The following COPB2 variants were observed in gnomAD, a reference collection of about 807,000 sequenced individuals.
COPB2 encodes coatomer subunit beta'.
COPB2 carries 16 observed loss-of-function variants against 120.8 expected under a neutral mutation model. The observed-to-expected ratio is 0.13, with a 90% CI of 0.09 to 0.20. The LOEUF is 0.20. Ranked by LOEUF, COPB2 falls within the 10% of genes least tolerant of loss-of-function variation. The probability of loss-of-function intolerance (pLI) is 1.00; values close to 1 mark genes in which losing one functional copy is unlikely to be tolerated. For missense variants in COPB2, 794 were observed against 1,076.5 expected (o/e 0.74, Z 3.67); for synonymous variants, 332 against 366.3 (o/e 0.91, Z 1.07).
At chr3:139,382,887 G>A (rs1008656128) in intron 2 of COPB2, 1 of 188,284 alleles carries the variant, frequency 5.3e-6, no homozygotes, top group African/African-American at 2.4e-5. Flanking sequence ...TAATCTATAT[G>A]GCTGAGTGAA....
intron 4 of COPB2, 121 bp downstream of exon 4, chr3:139,378,926 G>T: frequency 9.2e-7 from 1 of 1,084,196 alleles, no homozygotes. Context: ...GATCTAAATA[G>T]TTTAAAGGCC....
At chr3:139,360,224 G>A (rs1320624008) in intron 17 of COPB2, among the ~76,000 whole-genome samples, 1 of 151,286 alleles carries the variant, frequency 6.6e-6, no homozygotes, top group African/African-American at 2.4e-5. Context: ...TGTAGGAGAA[G>A]GTTAAAGAAT....
Position 139,366,996 on chromosome 3 carries a change from C to A in COPB2, c.1676+19G>T, listed in dbSNP as rs578150592. 2.6e-5 allele frequency: 42 copies of A among 1,593,740 alleles called. 1 individual carries two copies. In the South Asian group the frequency reaches 4.6e-4, roughly 17 times the overall value. ...CACACTTTAAAATTTAGGACAAATG[C>A]AAAATGATACTCAGGTACCTGTCCA... is the stretch of plus-strand genomic sequence containing the variant. On this transcript the variant is annotated intron_variant, in intron 14 of 21. Coordinates refer to ENST00000333188, the MANE Select transcript of COPB2 (RefSeq NM_004766.3).
chr3:139,358,904 T>C, intron 19 of COPB2, 92 bp from the exon 20 acceptor site: 2 of 1,565,902 alleles, frequency 1.3e-6, no homozygotes, highest in Non-Finnish European at 1.8e-6. Context: ...CAGCTCTTAA[T>C]TTTAAAAGAA....
At chr3:139,384,983 T>C (rs560899824) in intron 1 of COPB2, 46 of 152,356 alleles carry the variant, frequency 3.0e-4, no homozygotes, top group African/African-American at 1.0e-3. Context: ...GTTCATAGAA[T>C]TATCTAGTAA....
At chr3:139,388,106 A>G (rs1941957521) in intron 1 of COPB2, among the ~76,000 whole-genome samples, 1 of 152,232 alleles carries the variant, frequency 6.6e-6, no homozygotes, top group Non-Finnish European at 1.5e-5. Flanking sequence ...AAAGACGGCA[A>G]AAGAAAATGA....
chr3:139,366,641 C>G lies in COPB2; in HGVS notation c.1811G>C (p.Ser604Thr). ...YQTAVMRRDF[S>T]MADKVLPTIP... The stretch of plus-strand genomic sequence containing the variant: ...GGTAGGAAGGACCTTATCAGCCATG[C>G]TAAAGTCCCTCCGCATGACAGCTGT... The change falls in exon 15 of 22, where the codon AGC (serine) becomes ACC (threonine). Residue 604 changes from serine to threonine, a missense_variant. Transcript: ENST00000333188. 1 of 1,614,074 alleles carries G rather than the reference C, an allele frequency of 6.2e-7. No individual in the cohort carries two copies. Among genetic ancestry groups the G allele is most frequent in the Non-Finnish European group, 8.5e-7 (1 of 1,179,976 alleles).
In COPB2 at chr3:139,373,800, G is replaced by A. The variant is rs1229568621; in HGVS notation, c.760C>T (p.Arg254Cys). The A allele has an allele frequency of 8.1e-6, 13 of 1,613,686 alleles. No homozygotes were observed. Among genetic ancestry groups the A allele is most frequent in the Admixed American group, 1.7e-5 (1 of 59,980 alleles). The stretch of plus-strand genomic sequence containing the variant: ...CGGTAGGTGCTTGAATGCCAAATAC[G>A]TACTGTTCCTAAAAAGAACAATGTA... The part of the protein sequence containing the change: ...IITGSEDGTV[R>C]IWHSSTYRLE... Residue 254 changes from arginine (R) to cysteine (C), a missense_variant, in exon 8 of 22, where the codon CGT (arginine) becomes TGT (cysteine). Physicochemically the swap from Arg to Cys is radical, Grantham distance 180. This residue lies in a region of COPB2 where 610 missense variants were observed against 866.7 expected (regional missense o/e 0.70). Coordinates refer to ENST00000333188, the MANE Select transcript of COPB2 (RefSeq NM_004766.3).
Position 139,366,752 on chromosome 3 carries a change from A to C in COPB2, c.1700T>G (p.Ile567Ser). ...CAGATAAAGCCTGTTGTCTTTAGGA[A>C]TGTAGCCTAGGAGATACATCGTCCT... The part of the protein sequence containing the change: ...LDRTMYLLGY[I>S]PKDNRLYLGD... The change falls in exon 15 of 22, where the codon ATT becomes AGT. Residue 567 changes from isoleucine to serine, a missense_variant. Transcript: ENST00000333188. 1 of 1,613,984 alleles carries C rather than the reference A, an allele frequency of 6.2e-7. No homozygotes were observed. Among genetic ancestry groups the C allele is most frequent in the Non-Finnish European group, 8.5e-7 (1 of 1,179,918 alleles).
intron 12 of COPB2, 90 bp downstream of exon 12, chr3:139,369,171 C>T: frequency 2.4e-6 from 2 of 843,852 alleles, no homozygotes; most frequent in East Asian, 2.5e-5. Flanking sequence ...AGAGGGAGAG[C>T]AGGGTACAAA....
At position 139,357,811 on chromosome 3, in the gene COPB2, TA is replaced by T. The variant is rs1941318814; in HGVS notation, c.*51del. ...GCACTGTGGTCAGGGTAGCAATCAA[TA>T]CCTATATATAATAATGATCTGTTTA... is the stretch of plus-strand genomic sequence containing the variant. On this transcript the variant is annotated 3_prime_UTR_variant, in exon 22 of 22. Transcript: ENST00000333188. 1 of 971,138 alleles carries T rather than the reference TA, an allele frequency of 1.0e-6. No individual in the cohort carries two copies. The highest frequency in any genetic ancestry group is 1.6e-5 in the South Asian group (1 of 62,238). 60.2% of individuals were successfully genotyped at this position (971,138 alleles called of 1,614,324 possible).
chr3:139,389,648 T>C (rs991466119), upstream of COPB2: 14 of 1,295,796 alleles, frequency 1.1e-5, no homozygotes, highest in South Asian at 2.9e-5. Flanking sequence ...CTGACTGACG[T>C]GGAACTTCCG....
chr3:139,388,634 T>G (rs1168825281), intron 1 of COPB2, among the ~76,000 whole-genome samples: 2 of 149,172 alleles, frequency 1.3e-5, no homozygotes, highest in African/African-American at 4.9e-5. Context: ...AAGTTTTTTT[T>G]TTTTTTTTTT....
chr3:139,360,550 T>C (rs1183808079), intron 17 of COPB2, among the ~76,000 whole-genome samples: 1 of 152,004 alleles, frequency 6.6e-6, no homozygotes, highest in Non-Finnish European at 1.5e-5. Context: ...AAGAATACTT[T>C]TGTGTTTTAT....
chr3:139,373,184 G>A, intron 9 of COPB2, 29 bp downstream of exon 9: 1 of 1,608,598 alleles, frequency 6.2e-7, no homozygotes, highest in Non-Finnish European at 8.5e-7. Context: ...ATACACAGAA[G>A]CTGAGGGACA....
chr3:139,369,481 T>G lies in COPB2; in HGVS notation c.1269A>C (p.Ser423=), dbSNP rs868019713. 1 of 1,612,162 alleles carries G rather than the reference T, an allele frequency of 6.2e-7. No individual in the cohort carries two copies. Among genetic ancestry groups the G allele is most frequent in the Middle Eastern group, 1.7e-4 (1 of 6,040 alleles). The change falls in exon 11 of 22, where the codon TCA becomes TCC. Residue 423 remains serine, a synonymous_variant. Transcript: ENST00000333188. The part of the protein sequence containing the change: ...KIFKNFKEKK[S]FKPDFGAESI... ...TTTCTGCTCCAAAATCTGGTTTAAA[T>G]GATTTTTTTTCCTTAAAGTTCTTAA...
intron 1 of COPB2, among the ~76,000 whole-genome samples, chr3:139,386,928 G>C (rs1163917957): frequency 6.6e-6 from 1 of 151,880 alleles, no homozygotes; most frequent in Non-Finnish European, 1.5e-5. Flanking sequence ...GCCAGGCGTG[G>C]TGACTCATGC....
At chr3:139,366,812 T>C in intron 14 of COPB2, 37 bp from the exon 15 acceptor site, 1 of 1,597,508 alleles carries the variant, frequency 6.3e-7, no homozygotes, top group Non-Finnish European at 8.6e-7. Context: ...GAAATTCAAA[T>C]CTGCAATTAC....
chr3:139,373,876 G>C, intron 7 of COPB2, 68 bp from the exon 8 acceptor site: 3 of 1,576,680 alleles, frequency 1.9e-6, no homozygotes, highest in Non-Finnish European at 2.6e-6. Flanking sequence ...TCAGGTGAAA[G>C]AGACCCATAG....
Sources: allele counts gnomAD v4.1 joint callset (sites outside exome capture counted in the v4.1 genomes callset), GRCh38; gene constraint gnomAD v4.1.1; regional missense constraint gnomAD v4.1.1; transcripts MANE v1.5; gene names NCBI Gene and HGNC (gene_info 2026-07-23, HGNC 2026-07-21).